TP63: variants seen among roughly 807,000 people sequenced by gnomAD.
The protein encoded by TP63 is tumor protein p63.
In TP63, 17 loss-of-function variants were observed where a neutral mutation model predicts 82.8. That is an observed-to-expected ratio of 0.21 (90% CI 0.14 to 0.31). The LOEUF (loss-of-function observed/expected upper bound fraction) is 0.31. Ranked by LOEUF, TP63 falls within the 10% of genes least tolerant of loss-of-function variation. TP63 has a pLI of 1.00. For missense variants in TP63, 648 were observed against 895.3 expected, an observed-to-expected ratio of 0.72 and a Z score of 3.52; for synonymous variants, 330 against 321.7, an observed-to-expected ratio of 1.03 and a Z score of -0.28.
chr3:189,628,705 A>C (rs578153855), upstream of TP63, among the ~76,000 whole-genome samples: 12 of 152,298 alleles, frequency 7.9e-5, no homozygotes, highest in South Asian at 2.1e-4. Context: ...TGCACATCAA[A>C]GATATAATTC....
chr3:189,741,914 C>T (rs1721014250), intron 3 of TP63, among the ~76,000 whole-genome samples: 1 of 152,052 alleles, frequency 6.6e-6, no homozygotes, highest in Non-Finnish European at 1.5e-5. Flanking sequence ...AGTCTGTTTT[C>T]AAGGAACTTC....
intron 13 of TP63, among the ~76,000 whole-genome samples, chr3:189,891,406 T>C (rs972607401): frequency 2.2e-4 from 34 of 152,222 alleles, no homozygotes; most frequent in African/African-American, 8.0e-4. Context: ...TTTAAATTAG[T>C]ACCTTAAGGG....
the TP63 span, among the ~76,000 whole-genome samples, chr3:189,607,431 T>G: frequency 6.6e-6 from 1 of 152,176 alleles, no homozygotes; most frequent in African/African-American, 2.4e-5. Flanking sequence ...TTTTAAAAAC[T>G]TAATAGAAAA....
At chr3:189,843,482 A>AT (rs1267504982) in intron 4 of TP63, among the ~76,000 whole-genome samples, 1 of 152,164 alleles carries the variant, frequency 6.6e-6, no homozygotes, top group African/African-American at 2.4e-5. Context: ...TGGAGGAAGG[A>AT]TTTTTTTAAA....
At chr3:189,606,604 C>T in the TP63 span, among the ~76,000 whole-genome samples, 492 of 150,552 alleles carry the variant, frequency 3.3e-3, 1 homozygote, top group African/African-American at 0.012. Context: ...ACCTCTGCCT[C>T]CCAGGTTGAA....
At chr3:189,798,773 A>G (rs1352526762) in intron 3 of TP63, among the ~76,000 whole-genome samples, 1 of 152,112 alleles carries the variant, frequency 6.6e-6, no homozygotes, top group African/African-American at 2.4e-5. Flanking sequence ...GGTTTTGCTC[A>G]TATCTTTTAT....
chr3:189,770,504 G>T (rs1360145367), intron 3 of TP63, among the ~76,000 whole-genome samples: 2 of 151,788 alleles, frequency 1.3e-5, no homozygotes, highest in Non-Finnish European at 2.9e-5. Flanking sequence ...GACAGAGGTT[G>T]CAGTGAGCCG....
At chr3:189,882,668 T>G (rs1296918672) in intron 10 of TP63, among the ~76,000 whole-genome samples, 1 of 152,170 alleles carries the variant, frequency 6.6e-6, no homozygotes, top group Non-Finnish European at 1.5e-5. Flanking sequence ...AGTGGAATTC[T>G]AGACATCTAG....
At chr3:189,832,383 A>G (rs1006122528) in intron 4 of TP63, among the ~76,000 whole-genome samples, 1 of 152,102 alleles carries the variant, frequency 6.6e-6, no homozygotes. Context: ...CTTAGTATAT[A>G]TCGTTCATTA....
intron 1 of TP63, among the ~76,000 whole-genome samples, chr3:189,733,671 T>A (rs1369510023): frequency 1.3e-5 from 2 of 152,234 alleles, no homozygotes; most frequent in Non-Finnish European, 2.9e-5. Flanking sequence ...TTTTATTTTT[T>A]CCTATATTTC....
At chr3:189,689,111 T>TTTA (rs1560111778) in intron 1 of TP63, among the ~76,000 whole-genome samples, 2 of 80,016 alleles carry the variant, frequency 2.5e-5, no homozygotes, top group African/African-American at 9.9e-5. Context: ...TTTCTTTTTT[T>TTTA]TTTTTTTTTT....
rs75420847 is a variant in TP63 at position 189,713,538 on chromosome 3, G to C, written c.63-24202G>C. On this transcript the variant is annotated intron_variant, in intron 1 of 13. Coordinates refer to ENST00000264731, the MANE Select transcript of TP63 (RefSeq NM_003722.5). ...ATGAACTGATCCAGTTTTAACTTCA[G>C]AAAGTCAAGCTTCACATCTCCCAAA... is the stretch of plus-strand genomic sequence containing the variant. Among the ~76,000 whole-genome samples the C allele has an allele frequency of 2.0e-3, 303 of 152,222 alleles. 2 individuals carry two copies. The highest frequency in any genetic ancestry group is 7.1e-3 in the African/African-American group (296 of 41,550).
chr3:189,789,876 G>C, intron 3 of TP63: 1 of 1,515,250 alleles, frequency 6.6e-7, no homozygotes, highest in Non-Finnish European at 8.8e-7. Flanking sequence ...TCCATTTAGA[G>C]ATGCTTTTTA....
intron 1 of TP63, among the ~76,000 whole-genome samples, chr3:189,671,585 C>G (rs1021215643): frequency 2.0e-5 from 3 of 151,854 alleles, no homozygotes; most frequent in African/African-American, 4.8e-5. Flanking sequence ...GATACCTGCA[C>G]CTTTATATTT....
At chr3:189,616,590 A>G in the TP63 span, among the ~76,000 whole-genome samples, 1 of 152,214 alleles carries the variant, frequency 6.6e-6, no homozygotes, top group Non-Finnish European at 1.5e-5. Context: ...TAATAGGGAT[A>G]TTCGGGTTAC....
intron 4 of TP63, among the ~76,000 whole-genome samples, chr3:189,820,441 T>C (rs1728685260): frequency 1.3e-5 from 2 of 152,362 alleles, no homozygotes; most frequent in South Asian, 4.1e-4. Flanking sequence ...GGTTAGTAGG[T>C]ATAAGAATGC....
chr3:189,844,058 C>T (rs555610498), intron 4 of TP63: 2 of 218,678 alleles, frequency 9.1e-6, no homozygotes, highest in South Asian at 9.5e-5. Flanking sequence ...TACCCATTCA[C>T]CCCCCCTACT....
chr3:189,657,633 C>A (rs1713500519), intron 1 of TP63, among the ~76,000 whole-genome samples: 1 of 151,884 alleles, frequency 6.6e-6, no homozygotes, highest in Non-Finnish European at 1.5e-5. Context: ...TGGTAAGAAC[C>A]ATATTTATCT....
chr3:189,891,543 C>A (rs1359325013), intron 13 of TP63, among the ~76,000 whole-genome samples: 2 of 152,214 alleles, frequency 1.3e-5, no homozygotes, highest in African/African-American at 2.4e-5. Context: ...ATCCCAATCA[C>A]CCTTTTTAGT....
Sources: gnomAD v4.1 joint callset for allele counts (sites outside exome capture counted in the v4.1 genomes callset) on GRCh38, gnomAD v4.1.1 for gene constraint, MANE v1.5 for transcripts, NCBI Gene and HGNC (gene_info 2026-07-23, HGNC 2026-07-21) for gene names.